The following HYCC1 variants were observed in gnomAD, a reference collection of about 807,000 sequenced individuals.
HYCC1 encodes the protein hyccin PI4KA lipid kinase complex subunit 1.
the HYCC1 span, chr7:22,976,428 C>T: frequency 1.4e-6 from 1 of 720,146 alleles, no homozygotes; most frequent in Non-Finnish European, 2.4e-6. Context: ...ACAGTATAAG[C>T]ACACCAATAA....
chr7:23,009,274 A>T, the HYCC1 span, among the ~76,000 whole-genome samples: 1 of 152,148 alleles, frequency 6.6e-6, no homozygotes, highest in African/African-American at 2.4e-5. Context: ...AATGATTATT[A>T]TATTAGTAAT....
At chr7:22,991,601 T>C in the HYCC1 span, among the ~76,000 whole-genome samples, 7 of 152,160 alleles carry the variant, frequency 4.6e-5, no homozygotes, top group African/African-American at 1.7e-4. Context: ...ATGTGGTTTC[T>C]TGAAAGTGTA....
chr7:22,956,459 C>T, the HYCC1 span, among the ~76,000 whole-genome samples: 1 of 151,696 alleles, frequency 6.6e-6, no homozygotes, highest in Admixed American at 6.6e-5. Context: ...TAAGTTAAGC[C>T]ATGTCCATAC....
the HYCC1 span, among the ~76,000 whole-genome samples, chr7:22,953,640 G>C: frequency 2.6e-5 from 4 of 151,758 alleles, no homozygotes; most frequent in South Asian, 8.3e-4. Flanking sequence ...CAGCTCTTTG[G>C]TTAATATGTC....
the HYCC1 span, among the ~76,000 whole-genome samples, chr7:22,963,162 A>C: frequency 1.2e-4 from 19 of 152,220 alleles, no homozygotes; most frequent in African/African-American, 4.6e-4. Flanking sequence ...ATCAAAAATT[A>C]CAAGGCACAT....
chr7:22,990,339 T>C, the HYCC1 span, among the ~76,000 whole-genome samples: 1 of 152,206 alleles, frequency 6.6e-6, no homozygotes, highest in Non-Finnish European at 1.5e-5. Context: ...GCAATCTCTC[T>C]CAATGCAACA....
the HYCC1 span, chr7:22,976,340 T>C: frequency 2.7e-4 from 396 of 1,493,336 alleles, 1 homozygote; most frequent in East Asian, 7.6e-3. Flanking sequence ...AACAAATCTT[T>C]AGAATTCTAA....
chr7:22,911,712 C>T, the HYCC1 span, among the ~76,000 whole-genome samples: 2 of 152,252 alleles, frequency 1.3e-5, no homozygotes, highest in African/African-American at 4.8e-5. Flanking sequence ...GAGCTGAGAT[C>T]GCACCACTGC....
At chr7:22,920,361 C>T in the HYCC1 span, among the ~76,000 whole-genome samples, 1 of 151,700 alleles carries the variant, frequency 6.6e-6, no homozygotes, top group South Asian at 2.1e-4. Context: ...ATAAAAAGAA[C>T]AAAAGAAAAG....
chr7:22,949,325 T>G, the HYCC1 span, among the ~76,000 whole-genome samples: 2 of 151,956 alleles, frequency 1.3e-5, no homozygotes, highest in African/African-American at 2.4e-5. Flanking sequence ...ACACAACTAT[T>G]CAGTGGGGGA....
chr7:22,962,437 C>T, the HYCC1 span, among the ~76,000 whole-genome samples: 4 of 152,022 alleles, frequency 2.6e-5, no homozygotes, highest in African/African-American at 9.7e-5. Flanking sequence ...AAAAGAGTAA[C>T]CACTCCTGTG....
At chr7:22,961,957 G>T in the HYCC1 span, among the ~76,000 whole-genome samples, 4 of 152,018 alleles carry the variant, frequency 2.6e-5, no homozygotes, top group Non-Finnish European at 4.4e-5. Flanking sequence ...AATGAACAGG[G>T]ATATAGTGGC....
the HYCC1 span, among the ~76,000 whole-genome samples, chr7:22,981,447 AG>A: frequency 5.3e-5 from 8 of 152,232 alleles, no homozygotes. Flanking sequence ...TATTCTAAAC[AG>A]CAAAAGGGAG....
chr7:23,004,127 T>C, the HYCC1 span, among the ~76,000 whole-genome samples: 3 of 152,350 alleles, frequency 2.0e-5, no homozygotes, highest in Non-Finnish European at 4.4e-5. Context: ...CTTATACTAG[T>C]ATAGCAGAAT....
the HYCC1 span, chr7:22,983,972 T>C: frequency 6.2e-6 from 10 of 1,604,958 alleles, no homozygotes; most frequent in East Asian, 8.9e-5. Context: ...GATAACTTTA[T>C]AGAGAGATGA....
At chr7:22,945,309 T>G in the HYCC1 span, 4 of 470,642 alleles carry the variant, frequency 8.5e-6, no homozygotes, top group African/African-American at 7.9e-5. Context: ...CTGTCAAAAT[T>G]TATTGTCACT....
chr7:22,933,939 GAAGA>G, the HYCC1 span, among the ~76,000 whole-genome samples: 1 of 152,112 alleles, frequency 6.6e-6, no homozygotes, highest in African/African-American at 2.4e-5. Context: ...TTCCTGGTGG[GAAGA>G]TAGAGTGGTG....
At chr7:22,898,316 C>A in the HYCC1 span, among the ~76,000 whole-genome samples, 8 of 151,064 alleles carry the variant, frequency 5.3e-5, no homozygotes, top group Non-Finnish European at 1.0e-4. Context: ...TGGGTTCAAG[C>A]GATTCTGCTC....
At chr7:23,003,252 TA>T in the HYCC1 span, among the ~76,000 whole-genome samples, 1 of 152,002 alleles carries the variant, frequency 6.6e-6, no homozygotes, top group African/African-American at 2.4e-5. Flanking sequence ...CATTTATTCA[TA>T]AACTATTAAA....
Sources: gnomAD v4.1 joint callset for allele counts (sites outside exome capture counted in the v4.1 genomes callset) on GRCh38, gnomAD v4.1.1 for gene constraint, MANE v1.5 for transcripts, NCBI Gene and HGNC (gene_info 2026-07-23, HGNC 2026-07-21) for gene names.